SH3GL3: variants seen among roughly 807,000 people sequenced by gnomAD.
SH3GL3 encodes the protein SH3 domain containing GRB2 like 3, endophilin A3, also known as endophilin-A3.
SH3GL3 carries 33 observed loss-of-function variants against 47.7 expected under a neutral mutation model. The ratio of observed to expected loss-of-function variants is 0.69; its 90% CI spans 0.52 to 0.92. The LOEUF (loss-of-function observed/expected upper bound fraction) is 0.92. Ranked by LOEUF, SH3GL3 falls within the 40% of genes least tolerant of loss-of-function variation. SH3GL3 has a pLI of 0.00. For missense variants in SH3GL3, 363 were observed against 417.8 expected (o/e 0.87, Z 1.14); for synonymous variants, 155 against 148.8 (o/e 1.04, Z -0.30).
chr15:83,540,213 T>A (rs2151698488), intron 1 of SH3GL3, among the ~76,000 whole-genome samples: 1 of 152,308 alleles, frequency 6.6e-6, no homozygotes, highest in African/African-American at 2.4e-5. Flanking sequence ...ATGTGCTTTG[T>A]GATTCCGCAT....
At chr15:83,493,996 C>T (rs1456164205) in intron 1 of SH3GL3, among the ~76,000 whole-genome samples, 3 of 152,216 alleles carry the variant, frequency 2.0e-5, no homozygotes, top group Non-Finnish European at 2.9e-5. Context: ...GGATCCAGTA[C>T]AGGAAGAGTT....
At chr15:83,521,087 A>G (rs545657983) in intron 1 of SH3GL3, among the ~76,000 whole-genome samples, 9 of 152,278 alleles carry the variant, frequency 5.9e-5, no homozygotes, top group African/African-American at 2.2e-4. Flanking sequence ...TCTTACTGAT[A>G]TTTATTCTTC....
chr15:83,516,255 C>T (rs12437675), intron 1 of SH3GL3, among the ~76,000 whole-genome samples: 11,923 of 152,184 alleles, frequency 0.078, 846 homozygotes, highest in East Asian at 0.32. Context: ...AATGTTACCC[C>T]ATCAAGGACA....
chr15:83,484,863 A>T (rs752492959), intron 1 of SH3GL3, among the ~76,000 whole-genome samples: 2 of 152,218 alleles, frequency 1.3e-5, no homozygotes, highest in Non-Finnish European at 2.9e-5. Context: ...GAGACTTTGC[A>T]TATTTAAAAC....
intron 1 of SH3GL3, among the ~76,000 whole-genome samples, chr15:83,507,172 AT>A (rs1311218209): frequency 4.0e-5 from 6 of 151,284 alleles, no homozygotes; most frequent in African/African-American, 1.5e-4. Context: ...TGCCTGGCTA[AT>A]TTTTTTGTAT....
intron 1 of SH3GL3, among the ~76,000 whole-genome samples, chr15:83,449,005 CAG>C (rs1266945862): frequency 6.6e-6 from 1 of 152,088 alleles, no homozygotes; most frequent in Non-Finnish European, 1.5e-5. Context: ...ACCTGCAGCT[CAG>C]GGGGTGAGGC....
Position 83,557,949 on chromosome 15 carries a change from C to T in SH3GL3, c.46-1304C>T, listed in dbSNP as rs961042389. Among the ~76,000 whole-genome samples, 4 of 152,308 alleles carry T rather than the reference C, an allele frequency of 2.6e-5. 1 individual carries two copies. In the East Asian group the frequency reaches 5.8e-4, roughly 22 times the overall value. ...GTTGTCTTCAAGAAATTCCTTCTCA[C>T]ACTTCGAATTTAAGTAAAATACTAT... On this transcript the variant is annotated intron_variant, in intron 1 of 8. Transcript: ENST00000427482.
rs367762399 is a variant in SH3GL3, at chr15:83,573,440, A to C, written c.465+742A>C. ...CATCAGCATCACTTGTGAGAAATGC[A>C]AATTCTTGGGCCCCATCCCTTATCT... On this transcript the variant is annotated intron_variant, in intron 5 of 8. Coordinates refer to ENST00000427482, the MANE Select transcript of SH3GL3 (RefSeq NM_003027.5). Among the ~76,000 whole-genome samples the C allele has an allele frequency of 3.9e-5, 6 of 152,322 alleles. No individual in the cohort carries two copies. The East Asian group carries it at 1.2e-3, about 29-fold the overall frequency.
At chr15:83,575,275 G>A (rs922046407) in intron 5 of SH3GL3, among the ~76,000 whole-genome samples, 4 of 152,310 alleles carry the variant, frequency 2.6e-5, no homozygotes, top group Non-Finnish European at 5.9e-5. Flanking sequence ...CATGGAGGAA[G>A]GTCATATGAA....
In SH3GL3 at chr15:83,552,504, A is replaced by G. The variant is rs376540291; in HGVS notation, c.46-6749A>G. On this transcript the variant is annotated intron_variant, in intron 1 of 8. Coordinates refer to ENST00000427482, the MANE Select transcript of SH3GL3 (RefSeq NM_003027.5). ...TGGTTAAAAAACCCCAAAACCTAATAAACATGCTCTATATGGTATTGATTG... is the reference window on the plus strand; with the variant it reads ...TGGTTAAAAAACCCCAAAACCTAATGAACATGCTCTATATGGTATTGATTG... 2.0e-5 allele frequency among the ~76,000 whole-genome samples: 3 copies of G among 152,338 alleles called. No individual in the cohort carries two copies. The South Asian group carries it at 6.2e-4, about 32-fold the overall frequency.
At chr15:83,588,558 A>G in intron 7 of SH3GL3, 104 bp from the exon 8 acceptor site, 2 of 725,222 alleles carry the variant, frequency 2.8e-6, no homozygotes, top group African/African-American at 1.7e-5. Context: ...TTTCATGACC[A>G]CTGGCTGTAA....
At chr15:83,558,969 T>C (rs1371399989) in intron 1 of SH3GL3, among the ~76,000 whole-genome samples, 2 of 152,260 alleles carry the variant, frequency 1.3e-5, no homozygotes, top group Non-Finnish European at 2.9e-5. Flanking sequence ...GTGAACTGTG[T>C]GTTCCTTGAT....
At chr15:83,615,737 T>C (rs1255943385) in intron 8 of SH3GL3, among the ~76,000 whole-genome samples, 1 of 152,178 alleles carries the variant, frequency 6.6e-6, no homozygotes, top group African/African-American at 2.4e-5. Context: ...AAATATATGA[T>C]AAAGATAAAG....
At chr15:83,466,104 CA>C (rs1345039206) in intron 1 of SH3GL3, among the ~76,000 whole-genome samples, 2 of 152,090 alleles carry the variant, frequency 1.3e-5, no homozygotes, top group East Asian at 3.8e-4. Flanking sequence ...TTTGTCATTG[CA>C]GGAATATTAT....
chr15:83,552,744 T>C (rs991930265), intron 1 of SH3GL3, among the ~76,000 whole-genome samples: 1 of 152,244 alleles, frequency 6.6e-6, no homozygotes, highest in Non-Finnish European at 1.5e-5. Context: ...AGATAATCAA[T>C]ATCTTTTTCA....
chr15:83,486,675 G>T (rs1431967803), intron 1 of SH3GL3, among the ~76,000 whole-genome samples: 1 of 151,936 alleles, frequency 6.6e-6, no homozygotes, highest in Non-Finnish European at 1.5e-5. Flanking sequence ...CTCCCTTTTG[G>T]TTATTGGGAA....
chr15:83,527,820 C>G (rs1396030375), intron 1 of SH3GL3, among the ~76,000 whole-genome samples: 2 of 152,112 alleles, frequency 1.3e-5, no homozygotes, highest in South Asian at 2.1e-4. Context: ...TTGCCACTTG[C>G]AGGTCTTCTG....
intron 8 of SH3GL3, among the ~76,000 whole-genome samples, chr15:83,591,938 G>A (rs968642591): frequency 6.6e-6 from 1 of 152,152 alleles, no homozygotes; most frequent in Admixed American, 6.5e-5. Context: ...CTCCCAAAGT[G>A]CTGGGATTAC....
chr15:83,627,692 G>T, the SH3GL3 span, among the ~76,000 whole-genome samples: 2 of 152,090 alleles, frequency 1.3e-5, no homozygotes, highest in Non-Finnish European at 2.9e-5. Flanking sequence ...TGTTTTTAAA[G>T]CCCCCAAATG....
Sources: allele counts gnomAD v4.1 joint callset (sites outside exome capture counted in the v4.1 genomes callset), GRCh38; gene constraint gnomAD v4.1.1; transcripts MANE v1.5; gene names NCBI Gene and HGNC (gene_info 2026-07-23, HGNC 2026-07-21).